The following ACTN1 variants were observed in gnomAD, a reference collection of about 807,000 sequenced individuals.
The protein encoded by ACTN1 is actinin alpha 1, also known as alpha-actinin-1.
In ACTN1, 30 loss-of-function variants were observed where a neutral mutation model predicts 119.6. The ratio of observed to expected loss-of-function variants is 0.25; its 90% CI spans 0.19 to 0.34. ACTN1 has a LOEUF of 0.34. ACTN1 is among the 10% of genes least tolerant of loss of function. The pLI, the probability that ACTN1 is intolerant of heterozygous loss-of-function variation, is 1.00. For synonymous variants in ACTN1, 429 were observed against 472.6 expected, an observed-to-expected ratio of 0.91 and a Z score of 1.20; for missense variants, 764 against 1,223.4, an observed-to-expected ratio of 0.62 and a Z score of 5.60.
At chr14:68,906,233 A>G (rs116463782) in intron 6 of ACTN1, among the ~76,000 whole-genome samples, 180 of 152,240 alleles carry the variant, frequency 1.2e-3, no homozygotes, top group African/African-American at 4.2e-3. Context: ...TAAAGTGGTA[A>G]ATTTTGTTTT....
At chr14:68,896,851 G>A (rs1364055103) in intron 8 of ACTN1, among the ~76,000 whole-genome samples, 1 of 152,210 alleles carries the variant, frequency 6.6e-6, no homozygotes, top group African/African-American at 2.4e-5. Flanking sequence ...TGTAACAGAT[G>A]TAACAGATAA....
intron 1 of ACTN1, among the ~76,000 whole-genome samples, chr14:68,946,047 C>T (rs1048858792): frequency 1.3e-5 from 2 of 152,154 alleles, no homozygotes; most frequent in Admixed American, 6.5e-5. Flanking sequence ...ATTCCACCCG[C>T]GGTGGCAGTC....
At chr14:68,894,991 A>G (rs1294121238) in intron 8 of ACTN1, among the ~76,000 whole-genome samples, 2 of 146,864 alleles carry the variant, frequency 1.4e-5, no homozygotes, top group African/African-American at 2.5e-5. Flanking sequence ...CCACCAAATC[A>G]TGTGCTTTGT....
rs758714570 is a variant in ACTN1 at position 68,875,015 on chromosome 14, G to A, written c.2589C>T (p.Asn863=). 6.2e-7 allele frequency: 1 copy of A among 1,613,054 alleles called. No homozygotes were observed. The highest frequency in any genetic ancestry group is 8.5e-7 in the Non-Finnish European group (1 of 1,180,018). ...ASFKILAGDK[N]YITMDELRRE... ...GGCGCAGCTCGTCCATGGTAATGTA[G>A]TTCTGCGAGGAGAGAGTGGTCAGGA... Residue 863 remains asparagine, a splice_region_variant and synonymous_variant, in exon 22 of 22, where the codon AAC becomes AAT. Transcript: ENST00000394419.
At chr14:68,941,682 T>C (rs574070107) in intron 1 of ACTN1, among the ~76,000 whole-genome samples, 10 of 150,836 alleles carry the variant, frequency 6.6e-5, no homozygotes, top group Non-Finnish European at 1.3e-4. Context: ...ATTACTAAAG[T>C]ACAAGAAAGA....
Position 68,878,159 on chromosome 14 carries a change from C to T in ACTN1, c.2427+299G>A, listed in dbSNP as rs948059513. ...CCGAAACCTGGGATGTCCCACACCA[C>T]CAGTCCTTCCTGCCAGCCTCAGGGT... On this transcript the variant is annotated intron_variant, in intron 20 of 21. Transcript: ENST00000394419. The surrounding 1 kb of genome is among the most constrained non-coding windows in gnomAD (Gnocchi z 4.4). 2 of 327,858 alleles carry T rather than the reference C, an allele frequency of 6.1e-6. No homozygotes were observed. The highest frequency in any genetic ancestry group is 1.1e-5 in the Non-Finnish European group (2 of 179,106). The allele number at this position is 327,858 out of a possible 1,614,324, so 20.3% of individuals were successfully genotyped here. A position where few individuals can be genotyped will look rare whatever the true frequency, so the allele number is the denominator to read the frequency against.
chr14:68,885,461 C>A lies in ACTN1; in HGVS notation c.1349G>T (p.Arg450Leu), dbSNP rs751173836. The A allele has an allele frequency of 6.2e-7, 1 of 1,613,938 alleles. No individual in the cohort carries two copies. ...TGCGATGGCGGCAATCTGCTCCACA[C>A]GGTCCTGGTGGGCAGCCAGGTCACT... ...FESDLAAHQD[R>L]VEQIAAIAQE... The change falls in exon 12 of 22, where the codon CGT becomes CTT. Residue 450 changes from arginine (R) to leucine (L), a missense_variant. Physicochemically the swap from Arg to Leu is moderately radical, Grantham distance 102. This residue lies in a region of ACTN1 where 544 missense variants were observed against 912.0 expected (regional missense o/e 0.60). Transcript: ENST00000394419. This position sits in a 1 kb window ranked among gnomAD's most constrained non-coding sequence, Gnocchi z 5.6.
chr14:68,942,629 T>C (rs2035798794), intron 1 of ACTN1, among the ~76,000 whole-genome samples: 1 of 152,014 alleles, frequency 6.6e-6, no homozygotes. Context: ...GGCAAACAAT[T>C]AGAAAGTTGA....
At chr14:68,903,692 G>C (rs1005896031) in intron 7 of ACTN1, among the ~76,000 whole-genome samples, 1 of 152,154 alleles carries the variant, frequency 6.6e-6, no homozygotes, top group Non-Finnish European at 1.5e-5. Flanking sequence ...GGTGAGTCAG[G>C]CTCCTCCCAA....
intron 1 of ACTN1, among the ~76,000 whole-genome samples, chr14:68,961,027 A>G (rs984401763): frequency 8.5e-5 from 13 of 152,182 alleles, no homozygotes; most frequent in African/African-American, 3.1e-4. Flanking sequence ...CTATGACAGC[A>G]CCACTGCACG....
intron 16 of ACTN1, among the ~76,000 whole-genome samples, chr14:68,881,601 T>C (rs924794432): frequency 3.3e-5 from 5 of 152,200 alleles, no homozygotes; most frequent in Non-Finnish European, 5.9e-5. Flanking sequence ...GACAATGTGC[T>C]GGCAGGGGTG....
chr14:68,881,012 C>A, intron 16 of ACTN1, 23 bp from the exon 17 acceptor site: 1 of 1,612,354 alleles, frequency 6.2e-7, no homozygotes, highest in Non-Finnish European at 8.5e-7. Flanking sequence ...AAGGAAGCAC[C>A]TTGTCAGACC....
chr14:68,921,991 A>G (rs949241036), intron 2 of ACTN1, among the ~76,000 whole-genome samples: 7 of 152,174 alleles, frequency 4.6e-5, no homozygotes, highest in African/African-American at 1.7e-4. Context: ...TTATTCCAGA[A>G]CAAAGAGCAT....
chr14:68,961,446 T>C lies in ACTN1; in HGVS notation c.105+17506A>G, dbSNP rs1029861450. On this transcript the variant is annotated intron_variant, in intron 1 of 21. Coordinates refer to ENST00000394419, the MANE Select transcript of ACTN1 (RefSeq NM_001130004.2). Reference sequence around the variant, plus strand: ...CCCCTAACTTATCTATCTTCTCAAATGGAAACAGAGGCCCATGTGGGTGAA... The same window carrying C: ...CCCCTAACTTATCTATCTTCTCAAACGGAAACAGAGGCCCATGTGGGTGAA... 3.9e-5 allele frequency among the ~76,000 whole-genome samples: 6 copies of C among 152,158 alleles called. No individual in the cohort carries two copies. The East Asian group carries it at 5.8e-4, about 15-fold the overall frequency.
At chr14:68,935,525 A>G (rs1284599813) in intron 1 of ACTN1, among the ~76,000 whole-genome samples, 2 of 150,706 alleles carry the variant, frequency 1.3e-5, no homozygotes, top group Non-Finnish European at 2.9e-5. Flanking sequence ...TGCTGGGACT[A>G]CAGGCGCGTG....
chr14:68,945,024 G>A (rs528577852), intron 1 of ACTN1, among the ~76,000 whole-genome samples: 1 of 151,898 alleles, frequency 6.6e-6, no homozygotes, highest in Non-Finnish European at 1.5e-5. Flanking sequence ...AAATTAGCTG[G>A]GTGTGGTGGC....
intron 8 of ACTN1, among the ~76,000 whole-genome samples, chr14:68,895,919 G>A (rs565791333): frequency 2.7e-4 from 41 of 152,138 alleles, no homozygotes; most frequent in Non-Finnish European, 4.6e-4. Context: ...GGGAGATTCC[G>A]GGTGGGCCTC....
At chr14:68,922,752 T>G (rs1307936054) in intron 2 of ACTN1, among the ~76,000 whole-genome samples, 1 of 152,260 alleles carries the variant, frequency 6.6e-6, no homozygotes, top group Non-Finnish European at 1.5e-5. Flanking sequence ...GGCTAATCTG[T>G]GGCTGTCCAG....
rs186224222 is a variant in ACTN1 at position 68,883,838 on chromosome 14, T to G, written c.1635+330A>C. 2.0e-4 allele frequency among the ~76,000 whole-genome samples: 31 copies of G among 152,268 alleles called. No homozygotes were observed. The East Asian group carries it at 5.2e-3, about 26-fold the overall frequency. On this transcript the variant is annotated intron_variant, in intron 14 of 21. Transcript: ENST00000394419. ...ATATGGTATATAATAAAAGGTACTT[T>G]TTGTTTTATACAAAAAGGGTACAAA...
Sources: allele counts gnomAD v4.1 joint callset (sites outside exome capture counted in the v4.1 genomes callset), GRCh38; gene constraint gnomAD v4.1.1; regional missense constraint gnomAD v4.1.1; non-coding constraint Gnocchi (gnomAD v3.1); transcripts MANE v1.5; gene names NCBI Gene and HGNC (gene_info 2026-07-23, HGNC 2026-07-21).